ABI2: variants seen among roughly 807,000 people sequenced by gnomAD.
The protein encoded by ABI2 is abl interactor 2, also known as abelson interactor 2.
In ABI2, 25 loss-of-function variants were observed where a neutral mutation model predicts 59.2. That is an observed-to-expected ratio of 0.42 (90% CI 0.31 to 0.59). The LOEUF is 0.59. Among genes scored for constraint, ABI2 ranks in the 20% least tolerant of loss-of-function variants. The pLI is 0.14. For missense variants in ABI2, 545 were observed against 681.8 expected (o/e 0.80, Z 2.23); for synonymous variants, 213 against 235.5 (o/e 0.90, Z 0.87).
At chr2:203,409,875 C>A (rs558149971) in intron 9 of ABI2, among the ~76,000 whole-genome samples, 229 of 152,318 alleles carry the variant, frequency 1.5e-3, no homozygotes, top group African/African-American at 5.4e-3. Context: ...AGATTTGAGG[C>A]TGAGTGACCT....
intron 4 of ABI2, among the ~76,000 whole-genome samples, chr2:203,389,903 C>T (rs1288029460): frequency 1.3e-5 from 2 of 152,210 alleles, no homozygotes; most frequent in Non-Finnish European, 2.9e-5. Flanking sequence ...CTTTCCTACA[C>T]TTGCATTTTC....
At chr2:203,409,063 C>A (rs1279138884) in intron 9 of ABI2, among the ~76,000 whole-genome samples, 1 of 151,268 alleles carries the variant, frequency 6.6e-6, no homozygotes, top group East Asian at 1.9e-4. Context: ...TGGTCTCGAT[C>A]TCCTGACCTC....
Position 203,366,872 on chromosome 2 carries a change from C to G in ABI2, c.118-5C>G. ...TAATGATCACTGGTTTGTTTTTTTTCCCAGTCAGCAGATAAGCAGAGAGCC... is the reference window on the plus strand; with the variant it reads ...TAATGATCACTGGTTTGTTTTTTTTGCCAGTCAGCAGATAAGCAGAGAGCC... On this transcript the variant is annotated splice_polypyrimidine_tract_variant and splice_region_variant and intron_variant, in intron 1 of 11. Transcript: ENST00000261018. The G allele has an allele frequency of 6.6e-7, 1 of 1,516,762 alleles. No homozygotes were observed. The highest frequency in any genetic ancestry group is 1.8e-4 in the Middle Eastern group (1 of 5,606). The allele number at this position is 1,516,762 out of a possible 1,614,324, so 94.0% of individuals were successfully genotyped here. A position where few individuals can be genotyped will look rare whatever the true frequency, so the allele number is the denominator to read the frequency against.
At chr2:203,422,361 C>G (rs1377783657) in intron 11 of ABI2, among the ~76,000 whole-genome samples, 2 of 152,042 alleles carry the variant, frequency 1.3e-5, no homozygotes, top group Non-Finnish European at 2.9e-5. Context: ...ATCTCAGGTA[C>G]CCTGAGTGAT....
chr2:203,384,290 GTTTTTTTTTTT>G (rs796117154), intron 4 of ABI2, among the ~76,000 whole-genome samples: 2 of 26,112 alleles, frequency 7.7e-5, no homozygotes, highest in African/African-American at 3.1e-4. Flanking sequence ...TTTTGTTTTT[GTTTTTTTTTTT>G]TTTTTTTTTT....
chr2:203,389,156 A>C (rs1353438454), intron 4 of ABI2, among the ~76,000 whole-genome samples: 3 of 152,192 alleles, frequency 2.0e-5, no homozygotes, highest in African/African-American at 7.2e-5. Flanking sequence ...TTTTAAAAAA[A>C]CTTTTTCTGG....
At chr2:203,340,816 G>A (rs2079419876) in intron 1 of ABI2, among the ~76,000 whole-genome samples, 1 of 151,434 alleles carries the variant, frequency 6.6e-6, no homozygotes, top group South Asian at 2.1e-4. Context: ...TTATACCTCA[G>A]CAAAGCTGAA....
intron 2 of ABI2, among the ~76,000 whole-genome samples, chr2:203,368,983 G>T (rs2094805457): frequency 7.0e-5 from 1 of 14,280 alleles, no homozygotes; most frequent in African/African-American, 1.4e-4. Flanking sequence ...ATGCTTGGCT[G>T]ATTTTTTTTT....
intron 11 of ABI2, among the ~76,000 whole-genome samples, chr2:203,418,156 T>C (rs934993868): frequency 1.3e-5 from 2 of 152,204 alleles, no homozygotes; most frequent in African/African-American, 4.8e-5. Context: ...ATAGTCTTTA[T>C]GTATGTGTAA....
rs1249321894 is a variant in ABI2 at position 203,387,742 on chromosome 2, A to G, written c.481-3304A>G. On this transcript the variant is annotated intron_variant, in intron 4 of 11. Coordinates refer to ENST00000261018, the MANE Select transcript of ABI2 (RefSeq NM_001375670.1). ...GTGTGTGCCTGATGATAGTTCTGCT[A>G]TGTTTGTAACTTTAAAAAGTATTTC... Among the ~76,000 whole-genome samples, 10 of 152,312 alleles carry G rather than the reference A, an allele frequency of 6.6e-5. No homozygotes were observed. In the East Asian group the frequency reaches 1.3e-3, roughly 21 times the overall value.
chr2:203,395,090 C>G (rs1280119593), intron 6 of ABI2: 1 of 708,076 alleles, frequency 1.4e-6, no homozygotes, highest in Non-Finnish European at 2.6e-6. Flanking sequence ...TTCAGTTGAT[C>G]TGGAAAAAAA....
chr2:203,345,217 G>C (rs923309793), intron 1 of ABI2, among the ~76,000 whole-genome samples: 2 of 152,074 alleles, frequency 1.3e-5, no homozygotes, highest in African/African-American at 4.8e-5. Flanking sequence ...CAAACTTATC[G>C]GGAGGAACAA....
chr2:203,352,216 T>G (rs545673757), intron 1 of ABI2, among the ~76,000 whole-genome samples: 44 of 152,334 alleles, frequency 2.9e-4, no homozygotes, highest in African/African-American at 1.0e-3. Flanking sequence ...TCCCAGCTTT[T>G]TGGGAGCCCG....
Position 203,399,999 on chromosome 2 carries a change from C to T in ABI2, c.1034-2577C>T, listed in dbSNP as rs183592613. On this transcript the variant is annotated intron_variant, in intron 8 of 11. Transcript: ENST00000261018. ...AGAAGTTTTTAGTTTCAGGTTTTATCGCTAGGTTTATGATAATTAGGTATA... is the reference window on the plus strand; with the variant it reads ...AGAAGTTTTTAGTTTCAGGTTTTATTGCTAGGTTTATGATAATTAGGTATA... Among the ~76,000 whole-genome samples, 762 of 150,238 alleles carry T rather than the reference C, an allele frequency of 5.1e-3. 12 individuals are homozygous for T. The highest frequency in any genetic ancestry group is 0.018 in the African/African-American group (724 of 40,962).
At position 203,431,008 on chromosome 2, in the gene ABI2, T is replaced by C. The variant is rs897995946; in HGVS notation, c.*3656T>C. On this transcript the variant is annotated 3_prime_UTR_variant, in exon 12 of 12. Coordinates refer to ENST00000261018, the MANE Select transcript of ABI2 (RefSeq NM_001375670.1). ...TCTCCTTTGTGGAGACAGCATGACATGTCCTGAAGGTCACCTTTGCCTTTG... is the reference window on the plus strand; with the variant it reads ...TCTCCTTTGTGGAGACAGCATGACACGTCCTGAAGGTCACCTTTGCCTTTG... 6 of 152,248 alleles carry C rather than the reference T, an allele frequency of 3.9e-5. No homozygotes were observed. The highest frequency in any genetic ancestry group is 1.4e-4 in the African/African-American group (6 of 41,462). 9.4% of individuals were successfully genotyped at this position (152,248 alleles called of 1,614,324 possible).
chr2:203,414,115 T>C (rs1559371019), intron 10 of ABI2, among the ~76,000 whole-genome samples: 2 of 150,836 alleles, frequency 1.3e-5, no homozygotes, highest in African/African-American at 2.4e-5. Context: ...TTTTTTTTTT[T>C]TTTTTGGAGA....
chr2:203,366,785 G>C, intron 1 of ABI2, 92 bp from the exon 2 acceptor site: 4 of 1,275,778 alleles, frequency 3.1e-6, no homozygotes, highest in Non-Finnish European at 4.2e-6. Flanking sequence ...GGTGGACTCA[G>C]CAGAATCGTT....
Position 203,430,643 on chromosome 2 carries a change from C to T in ABI2, c.*3291C>T, listed in dbSNP as rs1001811047. 3 of 152,230 alleles carry T rather than the reference C, an allele frequency of 2.0e-5. No homozygotes were observed. Among genetic ancestry groups the T allele is most frequent in the Non-Finnish European group, 2.9e-5 (2 of 68,044 alleles). 9.4% of individuals were successfully genotyped at this position (152,230 alleles called of 1,614,324 possible). ...TTTCCATCATTTAGCTACTTCCTAT[C>T]TCCCTCAGAGGCGCCTGCTGTTCCC... On this transcript the variant is annotated 3_prime_UTR_variant, in exon 12 of 12. Transcript: ENST00000261018.
chr2:203,396,993 G>C, intron 8 of ABI2, 26 bp downstream of exon 8: 4 of 1,384,148 alleles, frequency 2.9e-6, no homozygotes, highest in Non-Finnish European at 3.7e-6. Context: ...TTCATTGGCA[G>C]GCAGATGCAG....
Sources: allele counts gnomAD v4.1 joint callset (sites outside exome capture counted in the v4.1 genomes callset), GRCh38; gene constraint gnomAD v4.1.1; transcripts MANE v1.5; gene names NCBI Gene and HGNC (gene_info 2026-07-23, HGNC 2026-07-21).